ZNF787: variants seen among roughly 807,000 people sequenced by gnomAD.
ZNF787 encodes the protein TTF-I-interacting peptide 20.
ZNF787 carries 7 observed loss-of-function variants against 16.9 expected under a neutral mutation model. That is an observed-to-expected ratio of 0.42 (90% CI 0.24 to 0.78). The LOEUF (loss-of-function observed/expected upper bound fraction) is 0.78, where lower values mean the gene tolerates loss of function less well. Among genes scored for constraint, ZNF787 ranks in the 30% least tolerant of loss-of-function variants. The pLI is 0.30. For missense variants in ZNF787, 551 were observed against 589.3 expected (o/e 0.94, Z 0.67); for synonymous variants, 345 against 270.9 (o/e 1.27, Z -2.69).
chr19:56,103,735 G>A (rs932704501), intron 1 of ZNF787, among the ~76,000 whole-genome samples: 5 of 152,138 alleles, frequency 3.3e-5, no homozygotes, highest in Non-Finnish European at 5.9e-5. Flanking sequence ...CTCCCAACCC[G>A]TGCCACACAC....
At chr19:56,096,664 G>C (rs1467840991) in intron 2 of ZNF787, among the ~76,000 whole-genome samples, 1 of 152,192 alleles carries the variant, frequency 6.6e-6, no homozygotes, top group Admixed American at 6.5e-5. Context: ...AGTGAGCCGA[G>C]ATCGTGCCGT....
intron 1 of ZNF787, among the ~76,000 whole-genome samples, chr19:56,120,707 CG>C (rs1470364445): frequency 6.6e-6 from 1 of 152,010 alleles, no homozygotes; most frequent in Non-Finnish European, 1.5e-5. Context: ...CCCAACCGCG[CG>C]GCCCCTTCCC....
At chr19:56,120,079 C>T (rs769644505) in intron 1 of ZNF787, among the ~76,000 whole-genome samples, 10 of 152,206 alleles carry the variant, frequency 6.6e-5, no homozygotes, top group Non-Finnish European at 1.2e-4. Context: ...CAGACCTCTC[C>T]ATCAGGGGTC....
intron 2 of ZNF787, among the ~76,000 whole-genome samples, chr19:56,092,198 TAAG>T (rs976738937): frequency 7.9e-5 from 12 of 152,058 alleles, no homozygotes; most frequent in African/African-American, 2.9e-4. Flanking sequence ...ATTAAAAAAA[TAAG>T]AAACAATGAG....
chr19:56,110,941 G>GC (rs1170500998), intron 1 of ZNF787, among the ~76,000 whole-genome samples: 2 of 152,196 alleles, frequency 1.3e-5, no homozygotes, highest in Non-Finnish European at 2.9e-5. Context: ...TAGCTGGGTA[G>GC]GGGGGTAGTG....
chr19:56,088,575 C>G lies in ZNF787; in HGVS notation c.597G>C (p.Leu199=), dbSNP rs1448076082. The G allele has an allele frequency of 6.6e-7, 1 of 1,504,922 alleles. No individual in the cohort carries two copies. Among genetic ancestry groups the G allele is most frequent in the Admixed American group, 2.2e-5 (1 of 46,432 alleles). The allele number at this position is 1,504,922 out of a possible 1,614,324, so 93.2% of individuals were successfully genotyped here. The change falls in exon 3 of 3, where the codon CTG becomes CTC. Residue 199 remains leucine, a synonymous_variant. Coordinates refer to ENST00000610935, the MANE Select transcript of ZNF787 (RefSeq NM_001002836.4). The surrounding 1 kb of genome is among the most constrained non-coding windows in gnomAD (Gnocchi z 8.6). ...QPKSLARHLR[L]HPELSGPGVA... Reference sequence around the variant, plus strand: ...CGCCAGGCCCCGACAGCTCCGGGTGCAGCCGCAGGTGACGCGCGAGGCTCT... The same window carrying G: ...CGCCAGGCCCCGACAGCTCCGGGTGGAGCCGCAGGTGACGCGCGAGGCTCT...
intron 1 of ZNF787, among the ~76,000 whole-genome samples, chr19:56,111,288 G>A (rs1568534346): frequency 1.3e-5 from 2 of 152,158 alleles, no homozygotes; most frequent in Admixed American, 1.3e-4. Context: ...CCTGGGGCAA[G>A]GCCTGGGCAG....
At chr19:56,102,747 C>T (rs1453019806) in intron 2 of ZNF787, 2 of 598,376 alleles carry the variant, frequency 3.3e-6, no homozygotes, top group Non-Finnish European at 5.9e-6. Context: ...TAAGGAGTTT[C>T]CTGCCAGGGA....
intron 1 of ZNF787, among the ~76,000 whole-genome samples, chr19:56,113,269 C>A (rs1400961920): frequency 2.6e-5 from 4 of 152,132 alleles, no homozygotes; most frequent in African/African-American, 4.8e-5. Flanking sequence ...AGTGGGGAGA[C>A]CCCCATTGCT....
chr19:56,096,296 G>T (rs1985871352), intron 2 of ZNF787, among the ~76,000 whole-genome samples: 1 of 151,764 alleles, frequency 6.6e-6, no homozygotes, highest in Non-Finnish European at 1.5e-5. Flanking sequence ...GCGTGTGCCT[G>T]GAGTCCCAGC....
In ZNF787 at chr19:56,088,022, C is replaced by A; in HGVS notation, c.*1G>T. The A allele has an allele frequency of 8.1e-7, 1 of 1,230,616 alleles. No homozygotes were observed. Among genetic ancestry groups the A allele is most frequent in the South Asian group, 2.8e-5 (1 of 35,848 alleles). 76.2% of individuals were successfully genotyped at this position (1,230,616 alleles called of 1,614,324 possible). ...CCCGCCCCCCCCCCCGGGCCCCTCC[C>A]CTACCGGCCCTCCCCACCGCGGCAC... On this transcript the variant is annotated 3_prime_UTR_variant, in exon 3 of 3. Coordinates refer to ENST00000610935, the MANE Select transcript of ZNF787 (RefSeq NM_001002836.4). This position sits in a 1 kb window ranked among gnomAD's most constrained non-coding sequence, Gnocchi z 8.6.
At chr19:56,116,990 T>C (rs1054869702) in intron 1 of ZNF787, among the ~76,000 whole-genome samples, 1 of 152,098 alleles carries the variant, frequency 6.6e-6, no homozygotes, top group East Asian at 1.9e-4. Context: ...TGGGAGACAG[T>C]GCGAGGCCAT....
chr19:56,088,540 T>C lies in ZNF787; in HGVS notation c.632A>G (p.Lys211Arg), dbSNP rs1215447129. The change falls in exon 3 of 3, where the codon AAG becomes AGG. Residue 211 changes from lysine to arginine, a missense_variant. Physicochemically the swap from Lys to Arg is conservative, Grantham distance 26 (BLOSUM62 2). Transcript: ENST00000610935. The surrounding 1 kb of genome is among the most constrained non-coding windows in gnomAD (Gnocchi z 8.6). ...CCGCCGGACGCTAGCCGCCAGCACCTTGGCCGCCACGCCAGGCCCCGACAG... is the reference window on the plus strand; with the variant it reads ...CCGCCGGACGCTAGCCGCCAGCACCCTGGCCGCCACGCCAGGCCCCGACAG... ...PELSGPGVAA[K>R]VLAASVRRAK... The C allele has an allele frequency of 2.1e-5, 30 of 1,457,492 alleles. No homozygotes were observed. Among genetic ancestry groups the C allele is most frequent in the South Asian group, 2.0e-4 (15 of 75,430 alleles). The allele number at this position is 1,457,492 out of a possible 1,614,324, so 90.3% of individuals were successfully genotyped here.
intron 2 of ZNF787, among the ~76,000 whole-genome samples, chr19:56,099,220 G>C (rs534857663): frequency 6.6e-6 from 1 of 152,312 alleles, no homozygotes; most frequent in South Asian, 2.1e-4. Context: ...GCAGCCCAAA[G>C]CCCCTTCCTC....
intron 2 of ZNF787, among the ~76,000 whole-genome samples, chr19:56,096,434 G>A (rs1985877327): frequency 6.6e-6 from 1 of 150,940 alleles, no homozygotes; most frequent in African/African-American, 2.4e-5. Flanking sequence ...AATAAAAAGA[G>A]ATAGGCTGGG....
intron 2 of ZNF787, among the ~76,000 whole-genome samples, chr19:56,090,375 A>C (rs1394239211): frequency 6.6e-6 from 1 of 152,148 alleles, no homozygotes. Flanking sequence ...GCATTAGTAG[A>C]CTGGGTCCAA....
intron 2 of ZNF787, among the ~76,000 whole-genome samples, chr19:56,098,982 C>T (rs2123403400): frequency 6.6e-6 from 1 of 152,290 alleles, no homozygotes; most frequent in South Asian, 2.1e-4. Context: ...TGAGGCACTG[C>T]CTCGGTGTGG....
At chr19:56,104,655 C>T (rs1034067492) in intron 1 of ZNF787, among the ~76,000 whole-genome samples, 3 of 152,188 alleles carry the variant, frequency 2.0e-5, no homozygotes, top group South Asian at 4.1e-4. Flanking sequence ...CTACACACAC[C>T]ACCAACCCGT....
intron 2 of ZNF787, chr19:56,102,916 C>T: frequency 1.4e-6 from 1 of 706,982 alleles, no homozygotes; most frequent in South Asian, 1.5e-5. Flanking sequence ...CCAGGGGTCC[C>T]CAAGATCATC....
Sources: allele counts gnomAD v4.1 joint callset (sites outside exome capture counted in the v4.1 genomes callset), GRCh38; gene constraint gnomAD v4.1.1; non-coding constraint Gnocchi (gnomAD v3.1); transcripts MANE v1.5; gene names NCBI Gene and HGNC (gene_info 2026-07-23, HGNC 2026-07-21).